The following CNTNAP5 variants were observed in gnomAD, a reference collection of about 807,000 sequenced individuals.
CNTNAP5 encodes the protein contactin associated protein family member 5, also known as contactin-associated protein-like 5.
Under a neutral mutation model 150.2 loss-of-function variants are expected in CNTNAP5, and 72 were observed. The ratio of observed to expected loss-of-function variants is 0.48; its 90% CI spans 0.40 to 0.58. The LOEUF is 0.58. CNTNAP5 is among the 20% of genes least tolerant of loss of function. The pLI is 0.00. For synonymous variants in CNTNAP5, 672 were observed against 619.8 expected (o/e 1.08, Z -1.25); for missense variants, 1,636 against 1,626.2 (o/e 1.01, Z -0.10).
At chr2:124,366,448 A>G (rs1158629897) in intron 3 of CNTNAP5, among the ~76,000 whole-genome samples, 1 of 152,232 alleles carries the variant, frequency 6.6e-6, no homozygotes, top group Admixed American at 6.5e-5. Flanking sequence ...TGAAATTCCT[A>G]GCCCAAGACT....
At chr2:124,829,712 A>G (rs1050157298) in intron 19 of CNTNAP5, among the ~76,000 whole-genome samples, 4 of 151,880 alleles carry the variant, frequency 2.6e-5, no homozygotes, top group African/African-American at 9.7e-5. Context: ...ATTATTTATG[A>G]AAAAATTTGA....
At chr2:124,860,017 C>A (rs962333289) in intron 19 of CNTNAP5, among the ~76,000 whole-genome samples, 1 of 151,636 alleles carries the variant, frequency 6.6e-6, no homozygotes, top group South Asian at 2.1e-4. Context: ...ATGTAACAAA[C>A]CTGTACATTG....
At chr2:124,192,833 T>C (rs187486739) in intron 1 of CNTNAP5, among the ~76,000 whole-genome samples, 19 of 152,346 alleles carry the variant, frequency 1.2e-4, no homozygotes, top group Admixed American at 9.8e-4. Context: ...TGTATTTTTT[T>C]CTTTGTTTCT....
rs528156213 is a variant in CNTNAP5, at chr2:124,832,297, C to T, written c.3218-33009C>T. Among the ~76,000 whole-genome samples, 8 of 152,176 alleles carry T rather than the reference C, an allele frequency of 5.3e-5. No homozygotes were observed. The East Asian group carries it at 5.8e-4, about 11-fold the overall frequency. Reference sequence around the variant, plus strand: ...TTAAACTTACTAATTCATGAGTGCTCGTTTATTTATGCATCTACTTAGTAC... The same window carrying T: ...TTAAACTTACTAATTCATGAGTGCTTGTTTATTTATGCATCTACTTAGTAC... On this transcript the variant is annotated intron_variant, in intron 19 of 23. Transcript: ENST00000682447.
chr2:124,516,028 C>A lies in CNTNAP5; in HGVS notation c.1328-8275C>A, dbSNP rs78462298. 2.0e-5 allele frequency among the ~76,000 whole-genome samples: 3 copies of A among 152,124 alleles called. No individual in the cohort carries two copies. The East Asian group carries it at 5.8e-4, about 29-fold the overall frequency. ...CAGGAGGCTGGGAAAAGAGGGGGACCACTAAAGAAATTTCCAGCTTCAGGG... is the reference window on the plus strand; with the variant it reads ...CAGGAGGCTGGGAAAAGAGGGGGACAACTAAAGAAATTTCCAGCTTCAGGG... On this transcript the variant is annotated intron_variant, in intron 8 of 23. Transcript: ENST00000682447.
At chr2:124,279,209 G>C (rs1012191496) in intron 3 of CNTNAP5, among the ~76,000 whole-genome samples, 1 of 150,114 alleles carries the variant, frequency 6.7e-6, no homozygotes, top group African/African-American at 2.5e-5. Flanking sequence ...TATATTCTTA[G>C]TTAAAACTGT....
chr2:124,252,647 T>C (rs1281238460), intron 3 of CNTNAP5, among the ~76,000 whole-genome samples: 2 of 152,234 alleles, frequency 1.3e-5, no homozygotes, highest in African/African-American at 4.8e-5. Context: ...TTGTCATTTA[T>C]TGAATAATTT....
At chr2:124,888,924 G>T (rs1275311038) in intron 21 of CNTNAP5, among the ~76,000 whole-genome samples, 1 of 151,814 alleles carries the variant, frequency 6.6e-6, no homozygotes, top group Non-Finnish European at 1.5e-5. Flanking sequence ...CTTTTGCTGT[G>T]CAGAAGCTCT....
chr2:124,458,895 G>A (rs910979707), intron 6 of CNTNAP5, among the ~76,000 whole-genome samples: 15 of 152,150 alleles, frequency 9.9e-5, no homozygotes, highest in African/African-American at 3.6e-4. Context: ...ATATTGTAAA[G>A]ACCAACACTT....
intron 1 of CNTNAP5, among the ~76,000 whole-genome samples, chr2:124,181,401 A>G (rs2104680615): frequency 6.6e-6 from 1 of 152,180 alleles, no homozygotes; most frequent in South Asian, 2.1e-4. Context: ...CATCATAAAG[A>G]TATTCTAGGA....
chr2:124,073,713 A>C (rs1682368412), intron 1 of CNTNAP5, among the ~76,000 whole-genome samples: 1 of 152,138 alleles, frequency 6.6e-6, no homozygotes, highest in African/African-American at 2.4e-5. Context: ...ATGTGGAGAA[A>C]AGGGAACGCT....
intron 17 of CNTNAP5, among the ~76,000 whole-genome samples, chr2:124,786,300 G>C (rs1266985789): frequency 7.1e-6 from 1 of 140,150 alleles, no homozygotes; most frequent in African/African-American, 2.7e-5. Context: ...AGGAAGAAAA[G>C]AAAGAGAAAG....
intron 4 of CNTNAP5, among the ~76,000 whole-genome samples, chr2:124,425,531 C>G (rs1692217607): frequency 6.6e-6 from 1 of 152,140 alleles, no homozygotes; most frequent in Non-Finnish European, 1.5e-5. Flanking sequence ...ATAGTGAAAC[C>G]TTTTGCTAAC....
rs571663182 is a variant in CNTNAP5, at chr2:124,641,266, G to A, written c.1877-6492G>A. ...ACAATGAGTTATGCCGTTTACAGAG[G>A]AGGAGACTGAGGCTGGGGGAGGTGA... On this transcript the variant is annotated intron_variant, in intron 12 of 23. Transcript: ENST00000682447. 5.9e-5 allele frequency among the ~76,000 whole-genome samples: 9 copies of A among 152,184 alleles called. No individual in the cohort carries two copies. In the East Asian group the frequency reaches 1.7e-3, roughly 30 times the overall value.
intron 10 of CNTNAP5, among the ~76,000 whole-genome samples, chr2:124,555,246 A>C (rs992121157): frequency 6.6e-6 from 1 of 152,146 alleles, no homozygotes; most frequent in Non-Finnish European, 1.5e-5. Context: ...CATAGTTTTG[A>C]TTATTTTAAA....
At chr2:124,116,397 A>C (rs1479105848) in intron 1 of CNTNAP5, among the ~76,000 whole-genome samples, 1 of 152,222 alleles carries the variant, frequency 6.6e-6, no homozygotes, top group Non-Finnish European at 1.5e-5. Flanking sequence ...TCTTCTGTGC[A>C]ATTATTCACA....
At chr2:124,532,558 G>A (rs1396748784) in intron 10 of CNTNAP5, among the ~76,000 whole-genome samples, 1 of 152,128 alleles carries the variant, frequency 6.6e-6, no homozygotes, top group Non-Finnish European at 1.5e-5. Flanking sequence ...AACCAGGAGG[G>A]AAAAACAGGG....
intron 11 of CNTNAP5, among the ~76,000 whole-genome samples, chr2:124,564,418 C>T (rs570296658): frequency 4.6e-5 from 7 of 152,212 alleles, no homozygotes; most frequent in South Asian, 4.1e-4. Context: ...TCCAGTGGCA[C>T]GATCTTGGCT....
intron 13 of CNTNAP5, among the ~76,000 whole-genome samples, chr2:124,655,249 G>A (rs915847288): frequency 1.3e-5 from 2 of 151,994 alleles, no homozygotes; most frequent in Non-Finnish European, 2.9e-5. Flanking sequence ...GTGGTGTTTG[G>A]TTTTCTGTTC....
Sources: allele counts gnomAD v4.1 joint callset (sites outside exome capture counted in the v4.1 genomes callset), GRCh38; gene constraint gnomAD v4.1.1; transcripts MANE v1.5; gene names NCBI Gene and HGNC (gene_info 2026-07-23, HGNC 2026-07-21).